Variants in DNMT3A observed in about 807,000 individuals in gnomAD.
The protein encoded by DNMT3A is DNA methyltransferase 3 alpha.
Under a neutral mutation model 117.6 loss-of-function variants are expected in DNMT3A, and 267 were observed. That is an observed-to-expected ratio of 2.27 (90% CI 2.05 to 2.51). The LOEUF (loss-of-function observed/expected upper bound fraction) is 2.51. Ranked by LOEUF, DNMT3A falls within the 30% of genes most tolerant of loss-of-function variation. The pLI is 0.00. For missense variants in DNMT3A, 1,029 were observed against 1,260.2 expected (o/e 0.82, Z 2.78); for synonymous variants, 432 against 474.8 (o/e 0.91, Z 1.17).
chr2:25,298,615 C>T lies in DNMT3A; in HGVS notation c.177+1524G>A, dbSNP rs1391806468. On this transcript the variant is annotated intron_variant, in intron 3 of 22. Coordinates refer to ENST00000321117, the MANE Select transcript of DNMT3A (RefSeq NM_022552.5). The surrounding 1 kb of genome is among the most constrained non-coding windows in gnomAD (Gnocchi z 4.3). ...GTGCTCTGACTCCGGCCTGGCTCTC[C>T]TCCCACACCTTCTCCATTAAGGTGC... Among the ~76,000 whole-genome samples the T allele has an allele frequency of 2.0e-5, 3 of 152,146 alleles. No homozygotes were observed. Among genetic ancestry groups the T allele is most frequent in the Non-Finnish European group, 4.4e-5 (3 of 68,040 alleles).
chr2:25,341,317 G>A (rs74175038), intron 1 of DNMT3A, among the ~76,000 whole-genome samples: 14,973 of 144,802 alleles, frequency 0.1, 1,075 homozygotes, highest in South Asian at 0.17. Flanking sequence ...GCTCCCCCGG[G>A]CCGCCGCGGG....
At position 25,298,634 on chromosome 2, in the gene DNMT3A, A is replaced by G. The variant is rs573002840; in HGVS notation, c.177+1505T>C. ...GCTCTCCTCCCACACCTTCTCCATT[A>G]AGGTGCCCTGTGGGCAGAGGAGGGT... On this transcript the variant is annotated intron_variant, in intron 3 of 22. Coordinates refer to ENST00000321117, the MANE Select transcript of DNMT3A (RefSeq NM_022552.5). The surrounding 1 kb of genome is among the most constrained non-coding windows in gnomAD (Gnocchi z 4.3). Among the ~76,000 whole-genome samples the G allele has an allele frequency of 9.9e-5, 15 of 152,114 alleles. No individual in the cohort carries two copies. The highest frequency in any genetic ancestry group is 3.4e-4 in the African/African-American group (14 of 41,498).
intron 2 of DNMT3A, among the ~76,000 whole-genome samples, chr2:25,301,061 G>A (rs1362312404): frequency 6.6e-6 from 1 of 151,366 alleles, no homozygotes; most frequent in Non-Finnish European, 1.5e-5. Flanking sequence ...ATGAGGTCAG[G>A]AGATTGAGAC....
intron 4 of DNMT3A, among the ~76,000 whole-genome samples, chr2:25,277,447 C>A (rs2149370324): frequency 6.6e-6 from 1 of 152,216 alleles, no homozygotes; most frequent in South Asian, 2.1e-4. Context: ...GGCGGCCTGG[C>A]GGTCCCGGCG....
intron 6 of DNMT3A, among the ~76,000 whole-genome samples, chr2:25,250,071 G>T (rs551998709): frequency 1.3e-5 from 2 of 151,936 alleles, no homozygotes; most frequent in Non-Finnish European, 2.9e-5. Context: ...AACATAAAAA[G>T]GCACCTGAAC....
At chr2:25,331,756 G>A (rs1017580282) in intron 1 of DNMT3A, among the ~76,000 whole-genome samples, 37 of 152,172 alleles carry the variant, frequency 2.4e-4, no homozygotes, top group African/African-American at 8.2e-4. Flanking sequence ...AAGGCACCCC[G>A]CCTCCAGGCC....
At chr2:25,271,717 T>A (rs937968835) in intron 6 of DNMT3A, among the ~76,000 whole-genome samples, 2 of 152,238 alleles carry the variant, frequency 1.3e-5, no homozygotes, top group Admixed American at 6.5e-5. Flanking sequence ...GAATAAGGAA[T>A]AATGTTATTA....
At chr2:25,324,692 A>G (rs1464214774) in intron 1 of DNMT3A, among the ~76,000 whole-genome samples, 1 of 152,154 alleles carries the variant, frequency 6.6e-6, no homozygotes, top group Non-Finnish European at 1.5e-5. Context: ...GGAGATGTCT[A>G]TCTGTCAACT....
intron 12 of DNMT3A, 22 bp downstream of exon 12, chr2:25,245,998 A>T (rs1184892667): frequency 1.2e-6 from 2 of 1,613,736 alleles, no homozygotes; most frequent in Non-Finnish European, 1.7e-6. Context: ...GGAGTGCCAG[A>T]GTTCCCAGGC....
chr2:25,243,529 T>C (rs1289847995), intron 16 of DNMT3A, among the ~76,000 whole-genome samples: 1 of 152,192 alleles, frequency 6.6e-6, no homozygotes, highest in Non-Finnish European at 1.5e-5. Flanking sequence ...TTCTTTAGAC[T>C]ATCTTGTGTA....
At chr2:25,301,765 G>C (rs936531023) in intron 2 of DNMT3A, among the ~76,000 whole-genome samples, 1 of 152,274 alleles carries the variant, frequency 6.6e-6, no homozygotes, top group East Asian at 1.9e-4. Flanking sequence ...ACGATGTCAG[G>C]AGCCAAAGAT....
At chr2:25,292,740 C>T (rs531867806) in intron 3 of DNMT3A, among the ~76,000 whole-genome samples, 9 of 152,210 alleles carry the variant, frequency 5.9e-5, no homozygotes, top group African/African-American at 1.4e-4. Context: ...TTTTCCAACT[C>T]GCTTATGTCT....
chr2:25,235,165 G>C (rs1673209382), intron 22 of DNMT3A, among the ~76,000 whole-genome samples: 2 of 152,076 alleles, frequency 1.3e-5, no homozygotes, highest in South Asian at 4.2e-4. Flanking sequence ...CAAGGCAGCA[G>C]GGGATTTCCT....
At chr2:25,289,265 G>A (rs2032567455) in intron 3 of DNMT3A, among the ~76,000 whole-genome samples, 1 of 151,878 alleles carries the variant, frequency 6.6e-6, no homozygotes, top group Admixed American at 6.6e-5. Flanking sequence ...ACCACACCTG[G>A]CTAATTTTTG....
At position 25,234,316 on chromosome 2, in the gene DNMT3A, A is replaced by T; in HGVS notation, c.2702T>A (p.Leu901His). ...RSWSVPVIRH[L>H]FAPLKEYFAC... ...AAAATACTCCTTCAGCGGAGCGAAG[A>T]GGTGGCGGATGACTGGCACGCTCCA... The change falls in exon 23 of 23, where the codon CTC becomes CAC. Residue 901 changes from leucine (L) to histidine (H), a missense_variant. By Grantham distance (99) the Leu-to-His change is moderately conservative. Coordinates refer to ENST00000321117, the MANE Select transcript of DNMT3A (RefSeq NM_022552.5). The surrounding 1 kb of genome is among the most constrained non-coding windows in gnomAD (Gnocchi z 4.5). 1 of 1,614,028 alleles carries T rather than the reference A, an allele frequency of 6.2e-7. No individual in the cohort carries two copies. The highest frequency in any genetic ancestry group is 8.5e-7 in the Non-Finnish European group (1 of 1,179,954).
At chr2:25,261,298 G>T (rs1255127626) in intron 6 of DNMT3A, among the ~76,000 whole-genome samples, 1 of 152,016 alleles carries the variant, frequency 6.6e-6, no homozygotes, top group Non-Finnish European at 1.5e-5. Context: ...AATTAGCCAG[G>T]CATGGTGGCG....
rs555498588 is a variant in DNMT3A, at chr2:25,254,441, C to T, written c.640-6189G>A. On this transcript the variant is annotated intron_variant, in intron 6 of 22. Coordinates refer to ENST00000321117, the MANE Select transcript of DNMT3A (RefSeq NM_022552.5). This position sits in a 1 kb window ranked among gnomAD's most constrained non-coding sequence, Gnocchi z 4.7. ...CAGACTCCCCCCCAACCCTGAGACC[C>T]AGAATCCATACAGCTAGGAAAAGAA... 6.6e-6 allele frequency among the ~76,000 whole-genome samples: 1 copy of T among 152,274 alleles called. No homozygotes were observed. Among genetic ancestry groups the T allele is most frequent in the South Asian group, 2.1e-4 (1 of 4,818 alleles).
At chr2:25,276,236 C>T (rs749808006) in intron 4 of DNMT3A, among the ~76,000 whole-genome samples, 2 of 152,202 alleles carry the variant, frequency 1.3e-5, no homozygotes, top group Non-Finnish European at 2.9e-5. Context: ...GCCCCATGCT[C>T]AGGCCCCTGA....
chr2:25,246,666 C>T lies in DNMT3A; in HGVS notation c.1233G>A (p.Leu411=). 6.2e-7 allele frequency: 1 copy of T among 1,613,608 alleles called. No homozygotes were observed. Among genetic ancestry groups the T allele is most frequent in the Non-Finnish European group, 8.5e-7 (1 of 1,179,992 alleles). ...TAGGGCCAGAAGGCTGGAAGCCCCCCAGGGCCCATTCAATCATGGGCTTGT... is the reference window on the plus strand; with the variant it reads ...TAGGGCCAGAAGGCTGGAAGCCCCCTAGGGCCCATTCAATCATGGGCTTGT... ...VQNKPMIEWA[L]GGFQPSGPKG... Residue 411 remains leucine, a synonymous_variant, in exon 10 of 23, where the codon CTG becomes CTA. Transcript: ENST00000321117.
Sources: gnomAD v4.1 joint callset for allele counts (sites outside exome capture counted in the v4.1 genomes callset) on GRCh38, gnomAD v4.1.1 for gene constraint, Gnocchi (gnomAD v3.1) non-coding constraint, MANE v1.5 for transcripts, NCBI Gene and HGNC (gene_info 2026-07-23, HGNC 2026-07-21) for gene names.